The following RBFOX1 variants were observed in gnomAD, a reference collection of about 807,000 sequenced individuals.
RBFOX1 encodes RNA binding protein fox-1 homolog 1.
In RBFOX1, 8 loss-of-function variants were observed where a neutral mutation model predicts 57.7. That is an observed-to-expected ratio of 0.14 (90% CI 0.08 to 0.25). The LOEUF is 0.25. Ranked by LOEUF, RBFOX1 falls within the 10% of genes least tolerant of loss-of-function variation. The pLI, the probability that RBFOX1 is intolerant of heterozygous loss-of-function variation, is 1.00. For synonymous variants in RBFOX1, 326 were observed against 222.4 expected (o/e 1.47, Z -4.15); for missense variants, 611 against 548.5 (o/e 1.11, Z -1.14).
At chr16:6,058,701 A>C in intron 1 of RBFOX1, among the ~76,000 whole-genome samples, 1 of 140,916 alleles carries the variant, frequency 7.1e-6, no homozygotes. Context: ...ACTCATCCAT[A>C]CATTCACCCA....
intron 3 of RBFOX1, among the ~76,000 whole-genome samples, chr16:7,035,617 A>C (rs1023302557): frequency 2.0e-5 from 3 of 151,986 alleles, no homozygotes; most frequent in African/African-American, 7.3e-5. Flanking sequence ...TATTATTTTA[A>C]ATCTGAAGAG....
intron 4 of RBFOX1, among the ~76,000 whole-genome samples, chr16:5,975,918 T>A (rs2060052633): frequency 1.3e-5 from 2 of 152,104 alleles, no homozygotes; most frequent in Non-Finnish European, 2.9e-5. Flanking sequence ...CTGAGGCAGG[T>A]GGATCACTTG....
intron 4 of RBFOX1, among the ~76,000 whole-genome samples, chr16:7,274,228 C>G (rs546323542): frequency 2.0e-5 from 3 of 152,286 alleles, no homozygotes; most frequent in Admixed American, 2.0e-4. Flanking sequence ...TTATTGAGTG[C>G]TTACTATGTT....
chr16:6,947,987 C>G (rs1459962043), intron 3 of RBFOX1, among the ~76,000 whole-genome samples: 1 of 152,092 alleles, frequency 6.6e-6, no homozygotes, highest in East Asian at 1.9e-4. Context: ...TCACGTTTGC[C>G]AGGTTGGTCT....
chr16:5,484,216 C>G (rs1466996810), intron 2 of RBFOX1, among the ~76,000 whole-genome samples: 1 of 152,218 alleles, frequency 6.6e-6, no homozygotes, highest in African/African-American at 2.4e-5. Flanking sequence ...CTTCAGTTAA[C>G]TCAAGGCCTG....
chr16:5,820,781 A>T (rs1370544068), intron 3 of RBFOX1, among the ~76,000 whole-genome samples: 1 of 152,076 alleles, frequency 6.6e-6, no homozygotes, highest in Non-Finnish European at 1.5e-5. Flanking sequence ...GGGGTTTAAG[A>T]CGATCAGACA....
chr16:7,630,524 C>A (rs2060782166), intron 10 of RBFOX1, 79 bp from the exon 11 acceptor site: 3 of 1,588,362 alleles, frequency 1.9e-6, no homozygotes, highest in Admixed American at 3.5e-5. Flanking sequence ...CTCTGCATTT[C>A]TCGGTTGCAT....
intron 3 of RBFOX1, among the ~76,000 whole-genome samples, chr16:6,864,751 T>A (rs2059612314): frequency 6.6e-6 from 1 of 152,102 alleles, no homozygotes; most frequent in African/African-American, 2.4e-5. Context: ...CTGTTCAACC[T>A]GTATTTTTAA....
At chr16:7,206,724 C>T (rs984255371) in intron 4 of RBFOX1, among the ~76,000 whole-genome samples, 76 of 152,048 alleles carry the variant, frequency 5.0e-4, no homozygotes, top group African/African-American at 1.7e-3. Context: ...AAACAGATGC[C>T]GACGACATTT....
chr16:7,209,949 A>G (rs1448487224), intron 4 of RBFOX1, among the ~76,000 whole-genome samples: 1 of 152,150 alleles, frequency 6.6e-6, no homozygotes, highest in Non-Finnish European at 1.5e-5. Flanking sequence ...AGGCAAAATG[A>G]AAGCTTTTAA....
intron 3 of RBFOX1, among the ~76,000 whole-genome samples, chr16:6,660,376 G>T (rs186170301): frequency 5.9e-5 from 9 of 152,058 alleles, no homozygotes; most frequent in Non-Finnish European, 1.2e-4. Context: ...TGCACATCCC[G>T]CACATGTACC....
intron 3 of RBFOX1, among the ~76,000 whole-genome samples, chr16:5,774,829 C>T (rs1041935382): frequency 6.6e-5 from 10 of 152,128 alleles, no homozygotes; most frequent in African/African-American, 1.9e-4. Flanking sequence ...ATTGCAGGCA[C>T]GTGCCACCAC....
intron 4 of RBFOX1, among the ~76,000 whole-genome samples, chr16:5,918,648 C>T (rs921181609): frequency 1.1e-4 from 16 of 152,200 alleles, no homozygotes; most frequent in African/African-American, 2.9e-4. Context: ...GAGCTGTAGG[C>T]ATTCCTTATC....
chr16:7,369,478 T>C (rs1251311343), intron 4 of RBFOX1, among the ~76,000 whole-genome samples: 1 of 152,194 alleles, frequency 6.6e-6, no homozygotes, highest in African/African-American at 2.4e-5. Context: ...TGAATAATAA[T>C]GAGGTTTTTA....
At chr16:6,248,358 C>T (rs1030189239) in intron 1 of RBFOX1, among the ~76,000 whole-genome samples, 3 of 152,136 alleles carry the variant, frequency 2.0e-5, no homozygotes, top group Non-Finnish European at 4.4e-5. Flanking sequence ...CAGTCTATTT[C>T]ACAGCCTGTC....
intron 2 of RBFOX1, among the ~76,000 whole-genome samples, chr16:6,371,570 A>G (rs1335473281): frequency 6.6e-6 from 1 of 152,154 alleles, no homozygotes; most frequent in African/African-American, 2.4e-5. Context: ...CCTTGGCACC[A>G]GAAGATATTC....
chr16:6,149,872 C>G (rs534953698), intron 1 of RBFOX1, among the ~76,000 whole-genome samples: 1 of 152,278 alleles, frequency 6.6e-6, no homozygotes, highest in Non-Finnish European at 1.5e-5. Context: ...TTTGCCAACT[C>G]TAAATTGCTA....
At position 5,548,177 on chromosome 16, in the gene RBFOX1, ATATATAT is replaced by A. The variant is rs1567217795; in HGVS notation, c.259-50724_259-50718del. Among the ~76,000 whole-genome samples, 194 of 40,832 alleles carry A rather than the reference ATATATAT, an allele frequency of 4.8e-3. 2 individuals carry two copies. Among genetic ancestry groups the A allele is most frequent in the African/African-American group, 0.013 (184 of 13,880 alleles). 26.8% of individuals were successfully genotyped at this position (40,832 alleles called of 152,430 possible). On this transcript the variant is annotated intron_variant, in intron 2 of 2. Coordinates refer to the RBFOX1 transcript ENST00000585867. The stretch of plus-strand genomic sequence containing the variant: ...CTCTGTTAAAAAAAAAAAAAAAAAT[ATATATAT>A]ATATATATATATATATATATAGACA...
At chr16:6,898,949 A>C (rs1310820730) in intron 3 of RBFOX1, among the ~76,000 whole-genome samples, 6 of 151,544 alleles carry the variant, frequency 4.0e-5, no homozygotes, top group African/African-American at 1.5e-4. Flanking sequence ...GTATATGTGT[A>C]TAATACATTG....
Sources: allele counts gnomAD v4.1 joint callset (sites outside exome capture counted in the v4.1 genomes callset), GRCh38; gene constraint gnomAD v4.1.1; transcripts MANE v1.5; gene names NCBI Gene and HGNC (gene_info 2026-07-23, HGNC 2026-07-21).